NALCN: variants seen among roughly 807,000 people sequenced by gnomAD.
The protein encoded by NALCN is sodium leak channel, non-selective.
Under a neutral mutation model 225.3 loss-of-function variants are expected in NALCN, and 111 were observed. That is an observed-to-expected ratio of 0.49 (90% confidence interval 0.42 to 0.58). NALCN has a LOEUF of 0.58. Among genes scored for constraint, NALCN ranks in the 20% least tolerant of loss-of-function variants. The pLI, the probability that NALCN is intolerant of heterozygous loss-of-function variation, is 0.00. For missense variants in NALCN, 1,378 were observed against 2,202.4 expected (o/e 0.63, Z 7.49); for synonymous variants, 764 against 769.0 (o/e 0.99, Z 0.11).
intron 13 of NALCN, among the ~76,000 whole-genome samples, chr13:101,210,612 T>A (rs936461977): frequency 3.9e-5 from 6 of 152,132 alleles, no homozygotes; most frequent in African/African-American, 1.4e-4. Flanking sequence ...ATTTTTAAAG[T>A]TTTAAACTTT....
chr13:101,273,402 A>G (rs1344997048), intron 10 of NALCN, among the ~76,000 whole-genome samples: 2 of 152,176 alleles, frequency 1.3e-5, no homozygotes, highest in Non-Finnish European at 1.5e-5. Flanking sequence ...TCACCTTTCT[A>G]AGACTCACAC....
chr13:101,363,559 C>T (rs1298263218), intron 6 of NALCN, among the ~76,000 whole-genome samples: 2 of 151,960 alleles, frequency 1.3e-5, no homozygotes, highest in African/African-American at 2.4e-5. Flanking sequence ...ATGCTCCTAC[C>T]TCTCATCATA....
At chr13:101,251,318 T>C (rs1341212126) in intron 11 of NALCN, among the ~76,000 whole-genome samples, 2 of 151,996 alleles carry the variant, frequency 1.3e-5, no homozygotes, top group South Asian at 2.1e-4. Flanking sequence ...ATAATGAGGA[T>C]TGAAAAAGTG....
intron 7 of NALCN, among the ~76,000 whole-genome samples, chr13:101,297,601 C>A (rs539497667): frequency 6.6e-6 from 1 of 152,298 alleles, no homozygotes; most frequent in Non-Finnish European, 1.5e-5. Flanking sequence ...CCTTTGGGAA[C>A]CTCTCTTGGG....
At chr13:101,126,424 C>T (rs2036232053) in intron 17 of NALCN, among the ~76,000 whole-genome samples, 1 of 152,082 alleles carries the variant, frequency 6.6e-6, no homozygotes, top group Non-Finnish European at 1.5e-5. Flanking sequence ...GTAGCACATA[C>T]ATGCTATTTC....
At chr13:101,189,080 A>C (rs1156389888) in intron 14 of NALCN, among the ~76,000 whole-genome samples, 1 of 151,832 alleles carries the variant, frequency 6.6e-6, no homozygotes, top group East Asian at 1.9e-4. Flanking sequence ...CCTTTTAAAA[A>C]CTCTGAAGTA....
chr13:101,121,717 GC>G (rs921847952), intron 18 of NALCN, among the ~76,000 whole-genome samples: 1 of 152,104 alleles, frequency 6.6e-6, no homozygotes, highest in Non-Finnish European at 1.5e-5. Flanking sequence ...TGTCTTAAAA[GC>G]CCTTTCATTT....
intron 10 of NALCN, among the ~76,000 whole-genome samples, chr13:101,279,769 A>G (rs1332513748): frequency 1.3e-5 from 2 of 149,654 alleles, no homozygotes; most frequent in Non-Finnish European, 3.0e-5. Flanking sequence ...GTGAGCCGAG[A>G]TCCCGCCACT....
intron 11 of NALCN, among the ~76,000 whole-genome samples, chr13:101,243,876 G>T (rs1157564315): frequency 1.9e-5 from 2 of 105,116 alleles, no homozygotes; most frequent in Non-Finnish European, 4.3e-5. Flanking sequence ...AAGGCTCTCT[G>T]CCCTGAGCAG....
chr13:101,291,923 A>G lies in NALCN; in HGVS notation c.1047+67T>C, dbSNP rs2043568688. The G allele has an allele frequency of 2.0e-6, 3 of 1,491,248 alleles. No homozygotes were observed. In the East Asian group the frequency reaches 6.9e-5, roughly 34 times the overall value. 92.4% of individuals were successfully genotyped at this position (1,491,248 alleles called of 1,614,324 possible). A position where few individuals can be genotyped will look rare whatever the true frequency, so the allele number is the denominator to read the frequency against. ...TCATGCAAGAGCTTCCCCAAGGTCC[A>G]CTGATGGTGAGGGTGAGACATGTGC... On this transcript the variant is annotated intron_variant, in intron 9 of 43. Coordinates refer to ENST00000251127, the MANE Select transcript of NALCN (RefSeq NM_052867.4).
chr13:101,078,398 A>G (rs2033399373), intron 34 of NALCN, among the ~76,000 whole-genome samples: 1 of 152,188 alleles, frequency 6.6e-6, no homozygotes, highest in African/African-American at 2.4e-5. Flanking sequence ...TACCCTGCAA[A>G]GCCACAATGG....
intron 1 of NALCN, among the ~76,000 whole-genome samples, chr13:101,401,069 TCTTTATA>T (rs1169856190): frequency 5.0e-4 from 76 of 152,200 alleles, no homozygotes; most frequent in Non-Finnish European, 9.7e-4. Flanking sequence ...GTCAGGTATT[TCTTTATA>T]GAAGTGTGAA....
At chr13:101,331,281 G>A (rs1373662074) in intron 7 of NALCN, among the ~76,000 whole-genome samples, 1 of 152,066 alleles carries the variant, frequency 6.6e-6, no homozygotes, top group Non-Finnish European at 1.5e-5. Context: ...TAAAATGTTT[G>A]GTGAGATGAA....
intron 10 of NALCN, among the ~76,000 whole-genome samples, chr13:101,273,222 G>A (rs1165205136): frequency 2.0e-5 from 3 of 152,182 alleles, no homozygotes; most frequent in African/African-American, 7.2e-5. Flanking sequence ...GAGCAGCAGC[G>A]GGAAAACGGC....
chr13:101,395,846 G>A (rs1366538666), intron 2 of NALCN, among the ~76,000 whole-genome samples: 2 of 151,848 alleles, frequency 1.3e-5, no homozygotes, highest in South Asian at 2.1e-4. Context: ...AACTTCCCTA[G>A]CATCTAGCAC....
chr13:101,186,375 C>G (rs941176722), intron 14 of NALCN, among the ~76,000 whole-genome samples: 5 of 152,164 alleles, frequency 3.3e-5, no homozygotes, highest in Non-Finnish European at 7.3e-5. Flanking sequence ...TTGGCCAGGA[C>G]GTAGGTTAGT....
intron 20 of NALCN, 149 bp from the exon 21 acceptor site, chr13:101,107,938 T>C (rs2035225263): frequency 1.1e-5 from 3 of 277,494 alleles, no homozygotes; most frequent in Non-Finnish European, 1.3e-5. Context: ...TATATTTATA[T>C]ATTTATATTA....
Position 101,259,732 on chromosome 13 carries a change from G to GTGTATA in NALCN, c.1135-1159_1135-1158insTATACA, listed in dbSNP as rs1555324888. Among the ~76,000 whole-genome samples the GTGTATA allele has an allele frequency of 9.7e-4, 116 of 119,402 alleles. 2 individuals are homozygous for GTGTATA. Among genetic ancestry groups the GTGTATA allele is most frequent in the African/African-American group, 3.0e-3 (109 of 35,950 alleles). 78.3% of individuals were successfully genotyped at this position (119,402 alleles called of 152,430 possible). A position where few individuals can be genotyped will look rare whatever the true frequency, so the allele number is the denominator to read the frequency against. ...AAATATTTGTGGGTACATAGTAAGT[G>GTGTATA]TATATATATATATATATATACACAC... On this transcript the variant is annotated intron_variant, in intron 10 of 43. Coordinates refer to ENST00000251127, the MANE Select transcript of NALCN (RefSeq NM_052867.4).
chr13:101,326,813 G>A (rs948831194), intron 7 of NALCN, among the ~76,000 whole-genome samples: 2 of 152,174 alleles, frequency 1.3e-5, no homozygotes, highest in Non-Finnish European at 2.9e-5. Flanking sequence ...TCTCAGCTGG[G>A]TCTAACAGGG....
Sources: allele counts gnomAD v4.1 joint callset (sites outside exome capture counted in the v4.1 genomes callset), GRCh38; gene constraint gnomAD v4.1.1; transcripts MANE v1.5; gene names NCBI Gene and HGNC (gene_info 2026-07-23, HGNC 2026-07-21).